Variants in IL1RAP observed in about 807,000 individuals in gnomAD.
The protein encoded by IL1RAP is interleukin-1 receptor accessory protein.
Under a neutral mutation model 60.7 loss-of-function variants are expected in IL1RAP, and 35 were observed. The observed-to-expected ratio is 0.58, with a 90% CI of 0.44 to 0.76. The LOEUF is 0.76. Ranked by LOEUF, IL1RAP falls within the 30% of genes least tolerant of loss-of-function variation. The pLI is 0.00. For synonymous variants in IL1RAP, 268 were observed against 250.9 expected, an observed-to-expected ratio of 1.07 and a Z score of -0.64; for missense variants, 572 against 693.9, an observed-to-expected ratio of 0.82 and a Z score of 1.97.
chr3:190,533,645 A>G (rs1381748040), intron 1 of IL1RAP, among the ~76,000 whole-genome samples: 4 of 152,140 alleles, frequency 2.6e-5, no homozygotes, highest in Non-Finnish European at 5.9e-5. Context: ...AGGCCCTCTT[A>G]CCAGCCCAGT....
chr3:190,562,098 T>C (rs1240358433), intron 2 of IL1RAP, among the ~76,000 whole-genome samples: 1 of 152,188 alleles, frequency 6.6e-6, no homozygotes, highest in African/African-American at 2.4e-5. Flanking sequence ...TCTAAAACCT[T>C]GTGCTTGAGC....
At chr3:190,528,916 C>G (rs1560141614) in intron 1 of IL1RAP, among the ~76,000 whole-genome samples, 1 of 151,996 alleles carries the variant, frequency 6.6e-6, no homozygotes, top group East Asian at 1.9e-4. Context: ...ATGGATTGTG[C>G]GATTTATCAG....
chr3:190,604,293 G>A lies in IL1RAP; in HGVS notation c.230G>A (p.Arg77Gln), dbSNP rs1730107763. 4 of 1,613,854 alleles carry A rather than the reference G, an allele frequency of 2.5e-6. No homozygotes were observed. In the African/African-American group the frequency reaches 4.0e-5, roughly 16 times the overall value. The change falls in exon 4 of 12, where the codon CGG becomes CAG. Residue 77 changes from arginine (R) to glutamine (Q), a missense_variant. Coordinates refer to ENST00000447382, the MANE Select transcript of IL1RAP (RefSeq NM_002182.4). ...TLIWYWTRQD[R>Q]DLEEPINFRL... ...ATCTGGTATTGGACTAGGCAGGACC[G>A]GGACCTTGAGGAGCCAATTAACTTC...
At chr3:190,555,037 C>T (rs1463360536) in intron 1 of IL1RAP, among the ~76,000 whole-genome samples, 2 of 152,092 alleles carry the variant, frequency 1.3e-5, no homozygotes, top group African/African-American at 4.8e-5. Context: ...TAGACAGGAT[C>T]GTGATCTTCA....
intron 9 of IL1RAP, among the ~76,000 whole-genome samples, chr3:190,643,876 C>A (rs1733826708): frequency 6.6e-6 from 1 of 152,098 alleles, no homozygotes; most frequent in Non-Finnish European, 1.5e-5. Flanking sequence ...GAACTCCATC[C>A]CAAGATATGG....
intron 9 of IL1RAP, among the ~76,000 whole-genome samples, chr3:190,638,512 T>C (rs946688273): frequency 1.3e-5 from 2 of 152,226 alleles, no homozygotes; most frequent in African/African-American, 4.8e-5. Context: ...ATACCAGTCC[T>C]TTGTCAGACA....
intron 2 of IL1RAP, among the ~76,000 whole-genome samples, chr3:190,558,287 C>T (rs1389001670): frequency 1.3e-5 from 2 of 152,200 alleles, no homozygotes; most frequent in East Asian, 3.9e-4. Flanking sequence ...GTTTTCATTT[C>T]CCTTGGACAA....
At position 190,651,011 on chromosome 3, in the gene IL1RAP, G is replaced by A. The variant is rs1002776175; in HGVS notation, c.*2306G>A. The A allele has an allele frequency of 4.1e-6, 4 of 984,024 alleles. No individual in the cohort carries two copies. The African/African-American group carries it at 7.0e-5, about 17-fold the overall frequency. 61.0% of individuals were successfully genotyped at this position (984,024 alleles called of 1,614,324 possible). A position where few individuals can be genotyped will look rare whatever the true frequency, so the allele number is the denominator to read the frequency against. On this transcript the variant is annotated 3_prime_UTR_variant, in exon 12 of 12. Coordinates refer to ENST00000447382, the MANE Select transcript of IL1RAP (RefSeq NM_002182.4). ...TTTGGTACTTAATTTTACAAATGCT[G>A]TAATATAAAGCATATCAAGTTTATG...
At chr3:190,537,225 T>A (rs1014960552) in intron 1 of IL1RAP, among the ~76,000 whole-genome samples, 4 of 151,740 alleles carry the variant, frequency 2.6e-5, no homozygotes, top group Non-Finnish European at 5.9e-5. Context: ...TCTTTTTTTT[T>A]ATTATTAATA....
intron 1 of IL1RAP, among the ~76,000 whole-genome samples, chr3:190,548,210 T>G (rs1000730723): frequency 2.0e-5 from 3 of 152,136 alleles, no homozygotes; most frequent in Non-Finnish European, 2.9e-5. Flanking sequence ...ACCAACCTTT[T>G]GAGAATATTC....
chr3:190,652,792 C>T (rs1403521186), downstream of IL1RAP, among the ~76,000 whole-genome samples: 1 of 152,178 alleles, frequency 6.6e-6, no homozygotes, highest in Non-Finnish European at 1.5e-5. Context: ...GGTTTTGAGT[C>T]TGAAGTTGTT....
chr3:190,625,011 G>A, intron 7 of IL1RAP: 1 of 158,770 alleles, frequency 6.3e-6, no homozygotes. Context: ...TGCTCGCGGT[G>A]CATTTTTGCA....
At chr3:190,636,908 T>TTA (rs1322327530) in intron 9 of IL1RAP, among the ~76,000 whole-genome samples, 1 of 152,174 alleles carries the variant, frequency 6.6e-6, no homozygotes, top group African/African-American at 2.4e-5. Context: ...TGTATTTTAT[T>TTA]TTATCACTTT....
At chr3:190,629,541 A>G in intron 9 of IL1RAP, 43 bp downstream of exon 9, 1 of 1,571,516 alleles carries the variant, frequency 6.4e-7, no homozygotes, top group Non-Finnish European at 8.6e-7. Context: ...CTCCAAATTA[A>G]CATTGTGGTG....
chr3:190,645,913 GGA>G (rs1318445638), intron 11 of IL1RAP, 71 bp downstream of exon 11: 2 of 1,339,598 alleles, frequency 1.5e-6, no homozygotes, highest in Non-Finnish European at 2.1e-6. Flanking sequence ...TTGCATTATG[GGA>G]GAGAGTCATG....
At chr3:190,522,168 G>GT (rs1488504746) in intron 1 of IL1RAP, among the ~76,000 whole-genome samples, 4 of 152,076 alleles carry the variant, frequency 2.6e-5, no homozygotes, top group African/African-American at 7.2e-5. Flanking sequence ...AGAGTAGATC[G>GT]TAAGAAGTAG....
At position 190,564,322 on chromosome 3, in the gene IL1RAP, CT is replaced by C; in HGVS notation, c.37del (p.Tyr13MetfsTer17). 6.2e-7 allele frequency: 1 copy of C among 1,612,242 alleles called. No homozygotes were observed. Among genetic ancestry groups the C allele is most frequent in the Non-Finnish European group, 8.5e-7 (1 of 1,178,494 alleles). Reference sequence around the variant, plus strand: ...TTCTGTGGTGTGTAGTGAGTCTCTACTTTTATGGAATCCTGCAAAGTGATGC... The same window carrying C: ...TTCTGTGGTGTGTAGTGAGTCTCTACTTTATGGAATCCTGCAAAGTGATGC... ...TLLWCVVSLYFYGILQSDASE... is the reference protein window; with the variant it reads ...TLLWCVVSLYXYGILQSDASE... On this transcript the variant is annotated frameshift_variant, in exon 3 of 12. Coordinates refer to ENST00000447382, the MANE Select transcript of IL1RAP (RefSeq NM_002182.4). LOFTEE classifies it high-confidence loss of function.
Position 190,645,771 on chromosome 3 carries a change from TC to T in IL1RAP, c.1276del (p.Arg426ValfsTer30). On this transcript the variant is annotated frameshift_variant, in exon 11 of 12. Coordinates refer to ENST00000447382, the MANE Select transcript of IL1RAP (RefSeq NM_002182.4). LOFTEE classifies it high-confidence loss of function. ...AEEEEFVLLT[L>X]RGVLENEFGY... ...GAAGAAGAATTTGTATTACTGACCC[TC>T]CGTGGAGTTTTGGAGAATGAATTTG... is the stretch of plus-strand genomic sequence containing the variant. The T allele has an allele frequency of 1.2e-6, 2 of 1,613,368 alleles. No homozygotes were observed. The highest frequency in any genetic ancestry group is 1.7e-6 in the Non-Finnish European group (2 of 1,179,378).
intron 5 of IL1RAP, among the ~76,000 whole-genome samples, chr3:190,618,677 C>T (rs1731495830): frequency 6.6e-6 from 1 of 152,032 alleles, no homozygotes; most frequent in Non-Finnish European, 1.5e-5. Flanking sequence ...CAATTCAAAC[C>T]AAATCTGACA....
Sources: allele counts gnomAD v4.1 joint callset (sites outside exome capture counted in the v4.1 genomes callset), GRCh38; gene constraint gnomAD v4.1.1; transcripts MANE v1.5; gene names NCBI Gene and HGNC (gene_info 2026-07-23, HGNC 2026-07-21).